Variants in GABRB3 observed in about 807,000 individuals in gnomAD.
GABRB3 encodes the protein gamma-aminobutyric acid receptor subunit beta-3.
A neutral mutation model predicts 52.1 loss-of-function variants in GABRB3; 14 were observed. That is an observed-to-expected ratio of 0.27 (90% CI 0.18 to 0.42). The LOEUF is 0.42. GABRB3 is among the 10% of genes least tolerant of loss of function. GABRB3 has a pLI of 1.00. For missense variants in GABRB3, 307 were observed against 609.1 expected (o/e 0.50, Z 5.22); for synonymous variants, 260 against 232.3 (o/e 1.12, Z -1.08).
intron 3 of GABRB3, among the ~76,000 whole-genome samples, chr15:26,693,072 ATAT>A (rs1411967555): frequency 6.6e-6 from 1 of 152,204 alleles, no homozygotes; most frequent in African/African-American, 2.4e-5. Flanking sequence ...CGTCTTTCAA[ATAT>A]TAAGGATCTA....
chr15:26,616,466 T>A (rs1419386360), intron 4 of GABRB3, among the ~76,000 whole-genome samples: 5 of 152,276 alleles, frequency 3.3e-5, no homozygotes, highest in Middle Eastern at 3.4e-3. Flanking sequence ...GCTAAACACA[T>A]GAAGAATGTG....
At position 26,690,688 on chromosome 15, in the gene GABRB3, T is replaced by C. The variant is rs369884972; in HGVS notation, c.241-69154A>G. ...GTGGGGCTGATGTTCCCACTTAGTGTTTGTGCTGTACCCAGCACAGTCGTC... is the reference window on the plus strand; with the variant it reads ...GTGGGGCTGATGTTCCCACTTAGTGCTTGTGCTGTACCCAGCACAGTCGTC... On this transcript the variant is annotated intron_variant, in intron 3 of 8. Transcript: ENST00000311550. Among the ~76,000 whole-genome samples the C allele has an allele frequency of 6.2e-4, 94 of 151,996 alleles. 1 individual carries two copies. In the East Asian group the frequency reaches 7.6e-3, roughly 12 times the overall value.
chr15:26,728,822 G>A (rs1033615279), intron 3 of GABRB3, among the ~76,000 whole-genome samples: 1 of 152,138 alleles, frequency 6.6e-6, no homozygotes, highest in African/African-American at 2.4e-5. Context: ...TATACCAGCA[G>A]CTGGCTTTTA....
At chr15:26,679,459 G>T (rs189358460) in intron 3 of GABRB3, among the ~76,000 whole-genome samples, 2 of 152,154 alleles carry the variant, frequency 1.3e-5, no homozygotes, top group East Asian at 3.9e-4. Context: ...TCTATGATGT[G>T]GTGTCTATTA....
intron 3 of GABRB3, among the ~76,000 whole-genome samples, chr15:26,643,831 T>G (rs10873636): frequency 0.37 from 56,356 of 152,120 alleles, 11,822 homozygotes; most frequent in East Asian, 0.83. Context: ...TTGCTCATAG[T>G]CTAGCAAAGA....
chr15:26,583,378 C>T lies in GABRB3; in HGVS notation c.498G>A (p.Arg166=), dbSNP rs754851264. 6.2e-6 allele frequency: 10 copies of T among 1,613,942 alleles called. No homozygotes were observed. Among genetic ancestry groups the T allele is most frequent in the African/African-American group, 2.7e-5 (2 of 74,890 alleles). Residue 166 remains arginine (R), a synonymous_variant, in exon 5 of 9, where the codon AGG becomes AGA. Transcript: ENST00000311550. The part of the protein sequence containing the change: ...TTTAACMMDL[R]RYPLDEQNCT... ...AGTTCTGCTCGTCCAGGGGGTATCT[C>T]CTGAGGTCCATCATGCATGCTGCTG...
chr15:26,678,356 ATGT>A lies in GABRB3; in HGVS notation c.241-56825_241-56823del, dbSNP rs557879659. 1.0e-3 allele frequency among the ~76,000 whole-genome samples: 159 copies of A among 152,260 alleles called. 3 individuals carry two copies. The highest frequency in any genetic ancestry group is 1.7e-3 in the Admixed American group (26 of 15,298). The stretch of plus-strand genomic sequence containing the variant: ...TAGTGCCTCCTTCAGGCTCCCGACA[ATGT>A]TGTTTTCCTGGCCTTCAGCAAGCAC... On this transcript the variant is annotated intron_variant, in intron 3 of 8. Transcript: ENST00000311550.
chr15:26,634,604 T>C (rs185079721), intron 3 of GABRB3, among the ~76,000 whole-genome samples: 27 of 152,152 alleles, frequency 1.8e-4, no homozygotes, highest in Admixed American at 1.8e-3. Context: ...GTCTAGAGTA[T>C]GGAGGTCAAA....
At chr15:26,619,844 C>T (rs117098541) in intron 4 of GABRB3, among the ~76,000 whole-genome samples, 2 of 151,660 alleles carry the variant, frequency 1.3e-5, no homozygotes, top group African/African-American at 4.8e-5. Flanking sequence ...ACACACATTA[C>T]CACACAAAAC....
chr15:26,671,422 C>T (rs1887893872), intron 3 of GABRB3, among the ~76,000 whole-genome samples: 1 of 152,150 alleles, frequency 6.6e-6, no homozygotes, highest in East Asian at 1.9e-4. Flanking sequence ...GCCGGAAGGA[C>T]AAGAAGACCA....
chr15:26,756,644 T>TA (rs979209468), intron 3 of GABRB3, among the ~76,000 whole-genome samples: 2 of 151,996 alleles, frequency 1.3e-5, no homozygotes, highest in African/African-American at 2.4e-5. Context: ...GACACAATGT[T>TA]AAAAAAATAT....
At chr15:26,773,752 G>A, upstream of GABRB3, 1 of 1,547,180 alleles carries the variant, frequency 6.5e-7, no homozygotes. Flanking sequence ...CTAACCTGCT[G>A]GGATCCGCTC....
chr15:26,683,617 C>T (rs979965285), intron 3 of GABRB3, among the ~76,000 whole-genome samples: 1 of 152,102 alleles, frequency 6.6e-6, no homozygotes, highest in Non-Finnish European at 1.5e-5. Flanking sequence ...GTTCTGCCAC[C>T]CTCGTCTCCT....
intron 3 of GABRB3, among the ~76,000 whole-genome samples, chr15:26,633,709 T>C (rs1033542488): frequency 6.6e-6 from 1 of 152,220 alleles, no homozygotes; most frequent in Non-Finnish European, 1.5e-5. Flanking sequence ...CCCACGTCTA[T>C]CACCTTGTAA....
intron 3 of GABRB3, among the ~76,000 whole-genome samples, chr15:26,753,315 T>C (rs1734139938): frequency 6.6e-6 from 1 of 152,078 alleles, no homozygotes; most frequent in African/African-American, 2.4e-5. Flanking sequence ...GATAATACTG[T>C]GTAAGAGGAA....
intron 3 of GABRB3, among the ~76,000 whole-genome samples, chr15:26,768,977 G>T (rs1891070639): frequency 6.6e-6 from 1 of 152,112 alleles, no homozygotes; most frequent in South Asian, 2.1e-4. Flanking sequence ...GATGAGATAT[G>T]CATTTACATG....
intron 3 of GABRB3, among the ~76,000 whole-genome samples, chr15:26,702,422 A>G (rs1041441638): frequency 6.6e-6 from 1 of 152,362 alleles, no homozygotes; most frequent in East Asian, 1.9e-4. Flanking sequence ...AGAGTGGAAC[A>G]GCCACTTTGC....
At chr15:26,742,317 A>T (rs1188833070) in intron 3 of GABRB3, among the ~76,000 whole-genome samples, 1 of 151,260 alleles carries the variant, frequency 6.6e-6, no homozygotes, top group Non-Finnish European at 1.5e-5. Flanking sequence ...ATATTGTCCC[A>T]TCCATTCTTT....
At chr15:26,610,784 G>A (rs1892040336) in intron 4 of GABRB3, among the ~76,000 whole-genome samples, 1 of 152,194 alleles carries the variant, frequency 6.6e-6, no homozygotes, top group Admixed American at 6.5e-5. Context: ...TCGTGGGTTT[G>A]TATTGCTATC....
Sources: allele counts gnomAD v4.1 joint callset (sites outside exome capture counted in the v4.1 genomes callset), GRCh38; gene constraint gnomAD v4.1.1; transcripts MANE v1.5; gene names NCBI Gene and HGNC (gene_info 2026-07-23, HGNC 2026-07-21).